Variants in KSR2 observed in about 807,000 individuals in gnomAD.
KSR2 encodes kinase suppressor of ras 2.
In KSR2, 25 loss-of-function variants were observed where a neutral mutation model predicts 107.8. The observed-to-expected ratio is 0.23, with a 90% CI of 0.17 to 0.32. The LOEUF is 0.32. KSR2 is among the 10% of genes least tolerant of loss of function. The pLI, the probability that KSR2 is intolerant of heterozygous loss-of-function variation, is 1.00. For synonymous variants in KSR2, 480 were observed against 507.0 expected (o/e 0.95, Z 0.71); for missense variants, 887 against 1,268.9 (o/e 0.70, Z 4.57).
chr12:117,730,528 T>G (rs907322153), intron 4 of KSR2, among the ~76,000 whole-genome samples: 11 of 151,438 alleles, frequency 7.3e-5, no homozygotes, highest in Admixed American at 2.0e-4. Flanking sequence ...CTCCCTCATC[T>G]CCCCTTTCCA....
chr12:117,708,347 T>A (rs1886611401), intron 4 of KSR2, among the ~76,000 whole-genome samples: 1 of 152,108 alleles, frequency 6.6e-6, no homozygotes. Context: ...GGGAACCTTC[T>A]GAGAACCAGG....
chr12:117,587,070 A>G (rs1414119220), intron 5 of KSR2, among the ~76,000 whole-genome samples: 1 of 152,160 alleles, frequency 6.6e-6, no homozygotes, highest in Non-Finnish European at 1.5e-5. Flanking sequence ...AACCCATCCT[A>G]TACTGCCAAG....
Position 117,558,747 on chromosome 12 carries a change from C to T in KSR2, c.1326-174G>A, listed in dbSNP as rs983214954. Among the ~76,000 whole-genome samples the T allele has an allele frequency of 4.5e-5, 5 of 112,154 alleles. No individual in the cohort carries two copies. In the South Asian group the frequency reaches 1.7e-3, roughly 37 times the overall value. The allele number at this position is 112,154 out of a possible 152,430, so 73.6% of individuals were successfully genotyped here. The stretch of plus-strand genomic sequence containing the variant: ...GTAGATGAATGGGTGAATGGATTCA[C>T]GGATGGATGGGTAGGTGGATGCATA... On this transcript the variant is annotated intron_variant, in intron 7 of 19. Transcript: ENST00000339824.
intron 16 of KSR2, 148 bp downstream of exon 16, chr12:117,484,268 T>TCC (rs1016237858): frequency 3.6e-6 from 3 of 838,930 alleles, no homozygotes; most frequent in African/African-American, 3.4e-5. Context: ...GGCCTTGGCA[T>TCC]CCCACATCAG....
At chr12:117,580,764 G>C (rs925290491) in intron 6 of KSR2, among the ~76,000 whole-genome samples, 1 of 152,222 alleles carries the variant, frequency 6.6e-6, no homozygotes, top group African/African-American at 2.4e-5. Context: ...GACTACCAGA[G>C]AGCCTGGGGG....
intron 8 of KSR2, among the ~76,000 whole-genome samples, chr12:117,556,493 C>A (rs1052043589): frequency 6.6e-6 from 1 of 152,166 alleles, no homozygotes; most frequent in African/African-American, 2.4e-5. Flanking sequence ...GAGAAGGGAG[C>A]TGAAGACTTT....
At position 117,652,504 on chromosome 12, in the gene KSR2, C is replaced by T. The variant is rs373780704; in HGVS notation, c.1171+14970G>A. Among the ~76,000 whole-genome samples the T allele has an allele frequency of 1.6e-4, 24 of 152,230 alleles. No individual in the cohort carries two copies. The East Asian group carries it at 4.2e-3, about 27-fold the overall frequency. On this transcript the variant is annotated intron_variant, in intron 5 of 19. Transcript: ENST00000339824. ...TTTGAATTATAAAAACAGAGAATCA[C>T]AGCCCCTCAGTCAATTTCCAGACTT...
intron 1 of KSR2, among the ~76,000 whole-genome samples, chr12:117,918,766 C>A (rs1895257302): frequency 6.9e-6 from 1 of 144,792 alleles, no homozygotes. Flanking sequence ...CCAGCCTGGG[C>A]AACAAGGGCG....
chr12:117,942,665 G>A (rs532263189), intron 1 of KSR2, among the ~76,000 whole-genome samples: 1 of 141,090 alleles, frequency 7.1e-6, no homozygotes, highest in African/African-American at 2.7e-5. Context: ...AATTTTTTTT[G>A]TGTTTTTTTT....
At chr12:117,493,633 G>A (rs568761964) in intron 14 of KSR2, among the ~76,000 whole-genome samples, 1 of 152,272 alleles carries the variant, frequency 6.6e-6, no homozygotes, top group African/African-American at 2.4e-5. Context: ...AACAGGTGTT[G>A]CCTGGAGCCT....
In KSR2 at chr12:117,455,947, G is replaced by C. The variant is rs1870596399; in HGVS notation, c.*11252C>G. On this transcript the variant is annotated 3_prime_UTR_variant, in exon 20 of 20. Coordinates refer to ENST00000339824, the MANE Select transcript of KSR2 (RefSeq NM_173598.6). Reference sequence around the variant, plus strand: ...ATGCCATCTTGGAAGTGGAGTCAGAGAAGCTCATGTGACAGCATGCCTGAC... The same window carrying C: ...ATGCCATCTTGGAAGTGGAGTCAGACAAGCTCATGTGACAGCATGCCTGAC... 6.6e-6 allele frequency: 1 copy of C among 152,204 alleles called. No homozygotes were observed. The highest frequency in any genetic ancestry group is 2.4e-5 in the African/African-American group (1 of 41,446). The allele number at this position is 152,204 out of a possible 1,614,324, so 9.4% of individuals were successfully genotyped here.
At chr12:117,526,909 C>T (rs1875206631) in intron 13 of KSR2, among the ~76,000 whole-genome samples, 162 bp downstream of exon 13, 1 of 152,144 alleles carries the variant, frequency 6.6e-6, no homozygotes, top group African/African-American at 2.4e-5. Flanking sequence ...CTGGGAGGGA[C>T]CACTGCTTGC....
chr12:117,588,885 GCA>G (rs1292062183), intron 5 of KSR2, among the ~76,000 whole-genome samples: 1 of 152,178 alleles, frequency 6.6e-6, no homozygotes, highest in African/African-American at 2.4e-5. Flanking sequence ...GTGGGATAAT[GCA>G]CACAGAGTAT....
At chr12:117,885,829 C>T (rs1037543604) in intron 1 of KSR2, among the ~76,000 whole-genome samples, 5 of 151,978 alleles carry the variant, frequency 3.3e-5, no homozygotes, top group Admixed American at 6.6e-5. Context: ...GGCGCGGTGG[C>T]TCACGTCTGT....
chr12:117,695,334 C>T (rs1028965004), intron 4 of KSR2, among the ~76,000 whole-genome samples: 2 of 152,076 alleles, frequency 1.3e-5, no homozygotes, highest in Non-Finnish European at 2.9e-5. Context: ...TGTGAACGTA[C>T]TTAATATCAC....
chr12:117,561,199 T>C (rs760657342), intron 7 of KSR2, among the ~76,000 whole-genome samples: 10 of 152,210 alleles, frequency 6.6e-5, no homozygotes, highest in Non-Finnish European at 1.5e-4. Flanking sequence ...GTTAGACAAA[T>C]GTCTGAGTTA....
intron 1 of KSR2, among the ~76,000 whole-genome samples, chr12:117,917,281 C>G (rs915658253): frequency 6.6e-6 from 1 of 152,160 alleles, no homozygotes; most frequent in Non-Finnish European, 1.5e-5. Context: ...TGGCTCATGC[C>G]TGTAATCCCA....
intron 14 of KSR2, among the ~76,000 whole-genome samples, chr12:117,507,700 C>G (rs991152240): frequency 6.6e-6 from 1 of 152,120 alleles, no homozygotes; most frequent in African/African-American, 2.4e-5. Context: ...TACCCCCCTG[C>G]GATCTTGTTT....
chr12:117,612,491 C>T (rs950684609), intron 5 of KSR2, among the ~76,000 whole-genome samples: 5 of 152,046 alleles, frequency 3.3e-5, no homozygotes, highest in African/African-American at 1.2e-4. Flanking sequence ...CTTTGGAAGG[C>T]ATGATGCAAT....
Sources: gnomAD v4.1 joint callset for allele counts (sites outside exome capture counted in the v4.1 genomes callset) on GRCh38, gnomAD v4.1.1 for gene constraint, MANE v1.5 for transcripts, NCBI Gene and HGNC (gene_info 2026-07-23, HGNC 2026-07-21) for gene names.